Variants in CRACD observed in about 807,000 individuals in gnomAD.
The protein encoded by CRACD is capping protein-inhibiting regulator of actin dynamics.
Under a neutral mutation model 106.8 loss-of-function variants are expected in CRACD, and 56 were observed. That is an observed-to-expected ratio of 0.52 (90% CI 0.42 to 0.66). The LOEUF (loss-of-function observed/expected upper bound fraction) is 0.66. Ranked by LOEUF, CRACD falls within the 30% of genes least tolerant of loss-of-function variation. CRACD has a pLI of 0.00. For synonymous variants in CRACD, 754 were observed against 670.8 expected, an observed-to-expected ratio of 1.12 and a Z score of -1.92; for missense variants, 1,730 against 1,623.2, an observed-to-expected ratio of 1.07 and a Z score of -1.13.
At chr4:56,316,775 G>C in intron 8 of CRACD, 86 bp downstream of exon 8, 1 of 1,435,514 alleles carries the variant, frequency 7.0e-7, no homozygotes, top group Non-Finnish European at 9.4e-7. Flanking sequence ...AGGTTCATGA[G>C]AATAATTTAC....
intron 1 of CRACD, among the ~76,000 whole-genome samples, chr4:56,075,045 C>A (rs1291874817): frequency 2.0e-5 from 3 of 152,126 alleles, no homozygotes; most frequent in Admixed American, 1.3e-4. Context: ...CCGACTTGAT[C>A]GTGGTGGATA....
chr4:56,171,614 A>G (rs940415469), intron 1 of CRACD, among the ~76,000 whole-genome samples: 2 of 152,220 alleles, frequency 1.3e-5, no homozygotes, highest in Admixed American at 1.3e-4. Flanking sequence ...GATGGTGGAG[A>G]TAACAAGTAT....
At chr4:56,070,093 A>T (rs1211732940) in intron 1 of CRACD, among the ~76,000 whole-genome samples, 1 of 152,186 alleles carries the variant, frequency 6.6e-6, no homozygotes, top group Non-Finnish European at 1.5e-5. Context: ...AAAAATCGAG[A>T]AAGTCGGTAG....
At chr4:56,137,572 T>C (rs1735048491) in intron 1 of CRACD, among the ~76,000 whole-genome samples, 1 of 152,252 alleles carries the variant, frequency 6.6e-6, no homozygotes, top group Admixed American at 6.5e-5. Context: ...TCAGATATTT[T>C]GTCCAATTTT....
intron 1 of CRACD, among the ~76,000 whole-genome samples, chr4:56,074,781 G>A (rs1732780876): frequency 6.6e-6 from 1 of 152,032 alleles, no homozygotes; most frequent in African/African-American, 2.4e-5. Context: ...AAAGGGAATG[G>A]TTCCAGTTTT....
chr4:56,233,773 A>G (rs1410637634), intron 2 of CRACD, among the ~76,000 whole-genome samples: 2 of 152,188 alleles, frequency 1.3e-5, no homozygotes, highest in African/African-American at 2.4e-5. Context: ...TGTTGAATCT[A>G]TAAGTCAATT....
chr4:56,313,128 A>C (rs1745261164), intron 6 of CRACD, 69 bp from the exon 7 acceptor site: 1 of 1,397,074 alleles, frequency 7.2e-7, no homozygotes. Context: ...AACGAGTGCC[A>C]CCGTTCTGCG....
chr4:56,120,744 T>C (rs1734457317), intron 1 of CRACD, among the ~76,000 whole-genome samples: 1 of 152,234 alleles, frequency 6.6e-6, no homozygotes, highest in African/African-American at 2.4e-5. Flanking sequence ...CAGAATGGTT[T>C]TAAATATCCA....
chr4:56,099,125 G>A (rs1733697790), intron 1 of CRACD, among the ~76,000 whole-genome samples: 1 of 152,192 alleles, frequency 6.6e-6, no homozygotes, highest in Admixed American at 6.5e-5. Flanking sequence ...ATGGGTGACT[G>A]TGGACCTCTG....
chr4:56,067,955 T>G (rs1210351286), intron 1 of CRACD, among the ~76,000 whole-genome samples: 3 of 152,222 alleles, frequency 2.0e-5, no homozygotes, highest in Non-Finnish European at 4.4e-5. Context: ...GTGTTTACTA[T>G]TTGGCCAGAG....
intron 2 of CRACD, chr4:56,246,722 T>C (rs1740703175): frequency 6.6e-6 from 1 of 152,120 alleles, no homozygotes; most frequent in Non-Finnish European, 1.5e-5. Context: ...GGTAAGTGTA[T>C]GGAATGTAAA....
chr4:56,318,473 T>C (rs182164544), intron 8 of CRACD, among the ~76,000 whole-genome samples: 266 of 152,308 alleles, frequency 1.7e-3, no homozygotes, highest in African/African-American at 6.2e-3. Context: ...GCAAAGTCTC[T>C]CTCACAGCCT....
chr4:56,291,849 C>A (rs1292109378), intron 3 of CRACD, among the ~76,000 whole-genome samples: 1 of 152,084 alleles, frequency 6.6e-6, no homozygotes, highest in Non-Finnish European at 1.5e-5. Context: ...TGCAGTAACA[C>A]AAAAATGACC....
intron 2 of CRACD, among the ~76,000 whole-genome samples, chr4:56,181,984 A>G (rs552703036): frequency 1.2e-4 from 19 of 152,292 alleles, no homozygotes; most frequent in African/African-American, 3.8e-4. Flanking sequence ...CATCACAGCT[A>G]CCTTAAATAA....
chr4:56,289,680 C>T (rs1743589182), intron 3 of CRACD, among the ~76,000 whole-genome samples: 1 of 126,518 alleles, frequency 7.9e-6, no homozygotes, highest in Non-Finnish European at 1.7e-5. Flanking sequence ...CAGAATGAGA[C>T]TCTGTCTCAA....
intron 2 of CRACD, among the ~76,000 whole-genome samples, chr4:56,267,185 A>G (rs907378720): frequency 6.6e-6 from 1 of 151,184 alleles, no homozygotes; most frequent in African/African-American, 2.4e-5. Context: ...CAGTGGTGCG[A>G]TCTCGGCTCA....
chr4:56,323,112 C>T (rs571374514), intron 8 of CRACD, among the ~76,000 whole-genome samples: 1 of 152,222 alleles, frequency 6.6e-6, no homozygotes, highest in South Asian at 2.1e-4. Flanking sequence ...TGTTATGACC[C>T]TGGAGATTTA....
intron 2 of CRACD, among the ~76,000 whole-genome samples, chr4:56,189,619 A>T (rs1261966981): frequency 7.5e-6 from 1 of 133,832 alleles, no homozygotes; most frequent in Non-Finnish European, 1.5e-5. Context: ...TCATTGTTCA[A>T]TTCCCACCTA....
chr4:56,195,652 A>T (rs1737572140), intron 2 of CRACD, among the ~76,000 whole-genome samples: 1 of 152,200 alleles, frequency 6.6e-6, no homozygotes, highest in Non-Finnish European at 1.5e-5. Context: ...ATGTTTCAGA[A>T]ATTATTTTTG....
Sources: gnomAD v4.1 joint callset for allele counts (sites outside exome capture counted in the v4.1 genomes callset) on GRCh38, gnomAD v4.1.1 for gene constraint, MANE v1.5 for transcripts, NCBI Gene and HGNC (gene_info 2026-07-23, HGNC 2026-07-21) for gene names.